CYP2C19: variants seen among roughly 807,000 people sequenced by gnomAD.
The protein encoded by CYP2C19 is cytochrome P450 2C19.
A neutral mutation model predicts 40.9 loss-of-function variants in CYP2C19; 59 were observed. The observed-to-expected ratio is 1.44, with a 90% CI of 1.17 to 1.79. The LOEUF is 1.79. Among genes scored for constraint, CYP2C19 ranks in the 40% most tolerant of loss-of-function variants. The pLI, the probability that CYP2C19 is intolerant of heterozygous loss-of-function variation, is 0.00. For synonymous variants in CYP2C19, 253 were observed against 208.7 expected (o/e 1.21, Z -1.83); for missense variants, 754 against 596.9 (o/e 1.26, Z -2.74).
chr10:94,775,625 G>T (rs1848397756), intron 3 of CYP2C19, 86 bp downstream of exon 3: 3 of 1,607,540 alleles, frequency 1.9e-6, no homozygotes, highest in Admixed American at 1.7e-5. Context: ...GGGGTGGCCA[G>T]ATCTTTTATT....
chr10:94,820,670 T>A, intron 6 of CYP2C19, 33 bp downstream of exon 6: 1 of 1,613,870 alleles, frequency 6.2e-7, no homozygotes, highest in South Asian at 1.1e-5. Flanking sequence ...AATTGAGTTT[T>A]AGGAAAGATG....
chr10:94,771,223 G>GT (rs1848326013), intron 1 of CYP2C19, among the ~76,000 whole-genome samples: 1 of 152,022 alleles, frequency 6.6e-6, no homozygotes, highest in African/African-American at 2.4e-5. Flanking sequence ...ATAGCCCGGG[G>GT]TTTTTTGTGG....
At position 94,842,870 on chromosome 10, in the gene CYP2C19, G is replaced by C; in HGVS notation, c.995G>C (p.Gly332Ala). The C allele has an allele frequency of 6.2e-7, 1 of 1,614,130 alleles. No homozygotes were observed. The highest frequency in any genetic ancestry group is 1.1e-5 in the South Asian group (1 of 91,082). ...KVQEEIERVI[G>A]RNRSPCMQDR... ...CAGGAAGAGATTGAACGTGTCATTG[G>C]CAGAAACCGGAGCCCCTGCATGCAG... Residue 332 changes from glycine (G) to alanine (A), a missense_variant, in exon 7 of 9, where the codon GGC becomes GCC. Physicochemically the swap from Gly to Ala is moderately conservative, Grantham distance 60 (BLOSUM62 0). Transcript: ENST00000371321.
intron 5 of CYP2C19, among the ~76,000 whole-genome samples, chr10:94,797,907 G>T (rs1404695307): frequency 6.6e-6 from 1 of 151,834 alleles, no homozygotes; most frequent in Non-Finnish European, 1.5e-5. Flanking sequence ...CTTCCTAGTG[G>T]TCTATCAGTT....
At chr10:94,770,373 ACAAGC>A (rs1848311239) in intron 1 of CYP2C19, among the ~76,000 whole-genome samples, 1 of 152,058 alleles carries the variant, frequency 6.6e-6, no homozygotes, top group Admixed American at 6.5e-5. Flanking sequence ...CACACTGATA[ACAAGC>A]CCTACTGGGT....
chr10:94,823,870 A>G (rs1413049502), intron 6 of CYP2C19, among the ~76,000 whole-genome samples: 3 of 152,290 alleles, frequency 2.0e-5, no homozygotes, highest in Admixed American at 2.0e-4. Flanking sequence ...ATCAGACCTC[A>G]TATAGGACAA....
At chr10:94,842,013 T>G (rs1438891570) in intron 6 of CYP2C19, among the ~76,000 whole-genome samples, 1 of 152,194 alleles carries the variant, frequency 6.6e-6, no homozygotes, top group African/African-American at 2.4e-5. Flanking sequence ...ACCCATTTGG[T>G]CTATAGTGCA....
chr10:94,766,064 T>G (rs1478051853), intron 1 of CYP2C19, among the ~76,000 whole-genome samples: 2 of 152,116 alleles, frequency 1.3e-5, no homozygotes, highest in East Asian at 3.9e-4. Flanking sequence ...GATGGAGAAG[T>G]CAGCTAATGA....
chr10:94,775,299 C>T (rs1055309138), intron 2 of CYP2C19, 79 bp downstream of exon 2: 31 of 1,612,516 alleles, frequency 1.9e-5, no homozygotes, highest in Non-Finnish European at 2.5e-5. Context: ...GCTTCTCGGG[C>T]AGAGCTTGGC....
chr10:94,830,458 G>C (rs1849315431), intron 6 of CYP2C19, among the ~76,000 whole-genome samples: 1 of 152,180 alleles, frequency 6.6e-6, no homozygotes, highest in Non-Finnish European at 1.5e-5. Context: ...CTCAGAAAGG[G>C]AACTCCCTGA....
Position 94,820,503 on chromosome 10 carries a change from A to G in CYP2C19, c.827A>G (p.Gln276Arg), listed in dbSNP as rs1244134666. The G allele has an allele frequency of 1.9e-6, 3 of 1,614,092 alleles. No individual in the cohort carries two copies. The highest frequency in any genetic ancestry group is 4.5e-5 in the East Asian group (2 of 44,898). The change falls in exon 6 of 9, where the codon CAA becomes CGA. Residue 276 changes from glutamine to arginine, a missense_variant. Coordinates refer to ENST00000371321, the MANE Select transcript of CYP2C19 (RefSeq NM_000769.4). Reference sequence around the variant, plus strand: ...GCATCAAATCATTCCTAGGAAAAGCAAAACCAACAGTCTGAATTCACTATT... The same window carrying G: ...GCATCAAATCATTCCTAGGAAAAGCGAAACCAACAGTCTGAATTCACTATT... Reference protein sequence around the residue: ...CFLIKMEKEKQNQQSEFTIEN... With the variant: ...CFLIKMEKEKRNQQSEFTIEN...
intron 5 of CYP2C19, among the ~76,000 whole-genome samples, chr10:94,807,220 TG>T (rs1197916520): frequency 6.6e-6 from 1 of 152,180 alleles, no homozygotes; most frequent in Non-Finnish European, 1.5e-5. Flanking sequence ...GATAGAATTT[TG>T]GGCTTTTCTT....
chr10:94,794,008 C>G (rs1848647096), intron 5 of CYP2C19, among the ~76,000 whole-genome samples: 1 of 152,054 alleles, frequency 6.6e-6, no homozygotes, highest in African/African-American at 2.4e-5. Context: ...TGGTCTCCAC[C>G]CAGTTCGAGC....
intron 1 of CYP2C19, among the ~76,000 whole-genome samples, chr10:94,771,935 A>C (rs929687440): frequency 1.3e-5 from 2 of 152,108 alleles, no homozygotes; most frequent in Admixed American, 6.5e-5. Flanking sequence ...ATTCTTGAAA[A>C]CGTGTACCCC....
At chr10:94,843,640 A>G (rs1849528039) in intron 7 of CYP2C19, among the ~76,000 whole-genome samples, 1 of 152,206 alleles carries the variant, frequency 6.6e-6, no homozygotes, top group Non-Finnish European at 1.5e-5. Flanking sequence ...AAATTTACTA[A>G]TCACTATTCA....
At chr10:94,762,918 C>G in intron 1 of CYP2C19, 45 bp downstream of exon 1, 1 of 1,551,828 alleles carries the variant, frequency 6.4e-7, no homozygotes, top group Non-Finnish European at 8.9e-7. Context: ...AGTAAATTCA[C>G]CTGTATTTTT....
In CYP2C19 at chr10:94,780,595, A is replaced by G. The variant is rs1187513719; in HGVS notation, c.578A>G (p.Gln193Arg). The change falls in exon 4 of 9, where the codon CAA becomes CGA. Residue 193 changes from glutamine (Q) to arginine (R), a missense_variant. Physicochemically the swap from Gln to Arg is conservative, Grantham distance 43 (BLOSUM62 1). Coordinates refer to ENST00000371321, the MANE Select transcript of CYP2C19 (RefSeq NM_000769.4). ...AAACGTTTCGATTATAAAGATCAGC[A>G]ATTTCTTAACTTGATGGAAAAATTG... ...FQKRFDYKDQ[Q>R]FLNLMEKLNE... The G allele has an allele frequency of 5.6e-6, 9 of 1,613,890 alleles. No individual in the cohort carries two copies. The highest frequency in any genetic ancestry group is 6.8e-6 in the Non-Finnish European group (8 of 1,179,922).
chr10:94,772,749 C>G (rs544095288), intron 1 of CYP2C19, among the ~76,000 whole-genome samples: 1 of 152,184 alleles, frequency 6.6e-6, no homozygotes, highest in Non-Finnish European at 1.5e-5. Flanking sequence ...AAGCCTGACA[C>G]CCCTGTCTTT....
intron 5 of CYP2C19, among the ~76,000 whole-genome samples, chr10:94,790,666 GA>G (rs1409451817): frequency 6.6e-6 from 1 of 152,050 alleles, no homozygotes; most frequent in African/African-American, 2.4e-5. Context: ...TGCATATGTT[GA>G]AAAAGCCTTG....
Sources: allele counts gnomAD v4.1 joint callset (sites outside exome capture counted in the v4.1 genomes callset), GRCh38; gene constraint gnomAD v4.1.1; transcripts MANE v1.5; gene names NCBI Gene and HGNC (gene_info 2026-07-23, HGNC 2026-07-21).